The following EXOC6B variants were observed in gnomAD, a reference collection of about 807,000 sequenced individuals.
The protein encoded by EXOC6B is SEC15 homolog B.
EXOC6B carries 54 observed loss-of-function variants against 113.5 expected under a neutral mutation model. The ratio of observed to expected loss-of-function variants is 0.48; its 90% CI spans 0.38 to 0.60. EXOC6B has a LOEUF of 0.60. EXOC6B is among the 20% of genes least tolerant of loss of function. The pLI is 0.00. For synonymous variants in EXOC6B, 357 were observed against 339.0 expected, an observed-to-expected ratio of 1.05 and a Z score of -0.58; for missense variants, 797 against 977.5, an observed-to-expected ratio of 0.82 and a Z score of 2.46.
chr2:72,288,997 C>A, intron 20 of EXOC6B: 1 of 255,846 alleles, frequency 3.9e-6, no homozygotes, highest in Non-Finnish European at 7.7e-6. Context: ...AGAAAAATGG[C>A]AGAATAATAA....
chr2:72,647,464 A>G (rs1423311527), intron 6 of EXOC6B, among the ~76,000 whole-genome samples: 2 of 152,194 alleles, frequency 1.3e-5, no homozygotes, highest in Admixed American at 1.3e-4. Flanking sequence ...AACAGCCTGC[A>G]TTGCCAAGAC....
rs1460255417 is a variant in EXOC6B, at chr2:72,442,332, C to CA, written c.1980+22827dup. On this transcript the variant is annotated intron_variant, in intron 18 of 21. Transcript: ENST00000272427. Reference sequence around the variant, plus strand: ...AAAAAGCTGAACACATTCCCCCCCGCAAAAAATGGCACAAGACAAGGATGC... The same window carrying CA: ...AAAAAGCTGAACACATTCCCCCCCGCAAAAAAATGGCACAAGACAAGGATGC... Among the ~76,000 whole-genome samples the CA allele has an allele frequency of 5.9e-5, 9 of 152,060 alleles. No homozygotes were observed. The East Asian group carries it at 1.7e-3, about 29-fold the overall frequency.
chr2:72,689,522 T>C (rs1677334564), intron 6 of EXOC6B, among the ~76,000 whole-genome samples: 1 of 152,226 alleles, frequency 6.6e-6, no homozygotes, highest in African/African-American at 2.4e-5. Flanking sequence ...ATATAATCTT[T>C]CAGTTTCATA....
chr2:72,691,434 C>T (rs534856493), intron 6 of EXOC6B, among the ~76,000 whole-genome samples: 7 of 151,828 alleles, frequency 4.6e-5, no homozygotes, highest in East Asian at 1.9e-4. Context: ...GAACTATTAA[C>T]GGAGGGACCA....
chr2:72,732,940 A>G, intron 3 of EXOC6B, 131 bp downstream of exon 3: 1 of 724,034 alleles, frequency 1.4e-6, no homozygotes, highest in Non-Finnish European at 2.4e-6. Context: ...AAACATTAGG[A>G]AAAGCAACAA....
chr2:72,655,705 T>A (rs982475257), intron 6 of EXOC6B, among the ~76,000 whole-genome samples: 2 of 152,192 alleles, frequency 1.3e-5, no homozygotes, highest in Admixed American at 6.5e-5. Context: ...ATATTTAATT[T>A]AAAAAATTCA....
At chr2:72,439,284 A>G (rs550621324) in intron 18 of EXOC6B, among the ~76,000 whole-genome samples, 8 of 152,188 alleles carry the variant, frequency 5.3e-5, no homozygotes, top group Non-Finnish European at 1.2e-4. Flanking sequence ...TGCCCTGTCT[A>G]TCGAGGTGGG....
chr2:72,622,910 T>C (rs1488645673), intron 6 of EXOC6B, among the ~76,000 whole-genome samples: 1 of 152,188 alleles, frequency 6.6e-6, no homozygotes, highest in African/African-American at 2.4e-5. Flanking sequence ...TTAGTACAAC[T>C]ACTTTGAGAA....
Position 72,731,239 on chromosome 2 carries a change from T to C in EXOC6B, c.334A>G (p.Ile112Val), listed in dbSNP as rs764336105. The change falls in exon 4 of 22, where the codon ATA becomes GTA. Residue 112 changes from isoleucine (I) to valine (V), a missense_variant. Coordinates refer to ENST00000272427, the MANE Select transcript of EXOC6B (RefSeq NM_015189.3). Reference sequence around the variant, plus strand: ...CACTGCTTCAGCTCTTCCATTGCTATTACCAGCTTGGCAAGAGGGAAAAAG... The same window carrying C: ...CACTGCTTCAGCTCTTCCATTGCTACTACCAGCTTGGCAAGAGGGAAAAAG... Reference protein sequence around the residue: ...KLQHEGKELVIAMEELKQCRL... With the variant: ...KLQHEGKELVVAMEELKQCRL... 6.2e-7 allele frequency: 1 copy of C among 1,612,718 alleles called. No individual in the cohort carries two copies. Among genetic ancestry groups the C allele is most frequent in the South Asian group, 1.1e-5 (1 of 90,874 alleles).
At chr2:72,737,851 CAA>C (rs1034464575) in intron 2 of EXOC6B, among the ~76,000 whole-genome samples, 1 of 146,948 alleles carries the variant, frequency 6.8e-6, no homozygotes, top group Non-Finnish European at 1.5e-5. Flanking sequence ...GACTCTGTCT[CAA>C]AAAAAAAAGT....
intron 18 of EXOC6B, among the ~76,000 whole-genome samples, chr2:72,461,051 C>G (rs974538669): frequency 2.8e-4 from 43 of 151,802 alleles, no homozygotes; most frequent in East Asian, 1.6e-3. Context: ...AGTTCATGTC[C>G]TTTGTAGGGA....
chr2:72,660,445 C>T (rs1183790669), intron 6 of EXOC6B, among the ~76,000 whole-genome samples: 1 of 152,132 alleles, frequency 6.6e-6, no homozygotes, highest in Non-Finnish European at 1.5e-5. Flanking sequence ...TGCTCAGAAG[C>T]AGAATACAAA....
chr2:72,429,382 C>T (rs1424984043), intron 18 of EXOC6B, among the ~76,000 whole-genome samples: 1 of 152,100 alleles, frequency 6.6e-6, no homozygotes, highest in African/African-American at 2.4e-5. Flanking sequence ...GCAAACAGGC[C>T]TCCTTTTACC....
At chr2:72,261,310 C>T (rs1448622502) in intron 20 of EXOC6B, among the ~76,000 whole-genome samples, 2 of 152,140 alleles carry the variant, frequency 1.3e-5, no homozygotes, top group African/African-American at 2.4e-5. Flanking sequence ...ACTGAGAAGT[C>T]CAGCCAGATT....
At chr2:72,581,471 A>G (rs891222520) in intron 6 of EXOC6B, among the ~76,000 whole-genome samples, 5 of 152,254 alleles carry the variant, frequency 3.3e-5, no homozygotes, top group Admixed American at 3.3e-4. Context: ...AAACAAATAA[A>G]TAGACAAATA....
intron 21 of EXOC6B, among the ~76,000 whole-genome samples, chr2:72,181,688 G>A (rs937117449): frequency 1.1e-4 from 16 of 152,164 alleles, no homozygotes; most frequent in Admixed American, 9.2e-4. Context: ...GGAAGCTCCT[G>A]TAATTATCTA....
chr2:72,333,555 C>T (rs1688522793), intron 20 of EXOC6B, among the ~76,000 whole-genome samples: 1 of 152,150 alleles, frequency 6.6e-6, no homozygotes, highest in African/African-American at 2.4e-5. Context: ...CCCAATCTTT[C>T]AATCTTACAT....
At chr2:72,236,421 TTG>T (rs1483136050) in intron 20 of EXOC6B, among the ~76,000 whole-genome samples, 1 of 152,338 alleles carries the variant, frequency 6.6e-6, no homozygotes, top group East Asian at 1.9e-4. Flanking sequence ...TGGCACTGGC[TTG>T]TCATTACTAT....
intron 1 of EXOC6B, among the ~76,000 whole-genome samples, chr2:72,770,337 G>C (rs1683342981): frequency 6.6e-6 from 1 of 152,128 alleles, no homozygotes. Flanking sequence ...GCCAAAGCTA[G>C]GCAAATCAAC....
Sources: allele counts gnomAD v4.1 joint callset (sites outside exome capture counted in the v4.1 genomes callset), GRCh38; gene constraint gnomAD v4.1.1; transcripts MANE v1.5; gene names NCBI Gene and HGNC (gene_info 2026-07-23, HGNC 2026-07-21).